Variants in PCDHGA1 observed in about 807,000 individuals in gnomAD.
PCDHGA1 encodes protocadherin gamma subfamily A, 1, also known as protocadherin gamma-A1.
A neutral mutation model predicts 58.0 loss-of-function variants in PCDHGA1; 32 were observed. That is an observed-to-expected ratio of 0.55 (90% CI 0.42 to 0.74). PCDHGA1 has a LOEUF of 0.74. PCDHGA1 is among the 30% of genes least tolerant of loss of function. PCDHGA1 has a pLI of 0.00. For missense variants in PCDHGA1, 1,205 were observed against 1,182.3 expected (o/e 1.02, Z -0.28); for synonymous variants, 498 against 501.1 (o/e 0.99, Z 0.08).
intron 1 of PCDHGA1, among the ~76,000 whole-genome samples, chr5:141,465,422 G>T (rs74711061): frequency 6.6e-6 from 1 of 152,142 alleles, no homozygotes; most frequent in Non-Finnish European, 1.5e-5. Context: ...AGCACTGAAA[G>T]GTGGGCACTT....
intron 1 of PCDHGA1, chr5:141,415,463 T>G: frequency 6.2e-7 from 1 of 1,614,228 alleles, no homozygotes; most frequent in South Asian, 1.1e-5. Flanking sequence ...GAGGTCTCTC[T>G]CACCGCGGAC....
At position 141,398,766 on chromosome 5, in the gene PCDHGA1, T is replaced by A. The variant is rs775055352; in HGVS notation, c.2421+65661T>A. On this transcript the variant is annotated intron_variant, in intron 1 of 3. Coordinates refer to ENST00000517417, the MANE Select transcript of PCDHGA1 (RefSeq NM_018912.3). ...AGAGTTACCATCGTTTAGTCCTGACTGCCTTGGACGGTGGACATCCACCCC... is the reference window on the plus strand; with the variant it reads ...AGAGTTACCATCGTTTAGTCCTGACAGCCTTGGACGGTGGACATCCACCCC... 2.1e-5 allele frequency: 34 copies of A among 1,613,844 alleles called. 1 individual carries two copies. In the South Asian group the frequency reaches 3.1e-4, roughly 15 times the overall value.
At chr5:141,355,142 C>T in intron 1 of PCDHGA1, 1 of 1,526,256 alleles carries the variant, frequency 6.6e-7, no homozygotes, top group Non-Finnish European at 8.8e-7. Flanking sequence ...GATCCTGGGG[C>T]TCCTCAGGCC....
intron 1 of PCDHGA1, chr5:141,442,535 A>C (rs2098331560): frequency 6.6e-6 from 1 of 152,240 alleles, no homozygotes; most frequent in Non-Finnish European, 1.5e-5. Flanking sequence ...CTCCAAGGTG[A>C]AAAATTCTTG....
At chr5:141,480,894 C>CA (rs1235468010) in intron 1 of PCDHGA1, among the ~76,000 whole-genome samples, 15 of 151,848 alleles carry the variant, frequency 9.9e-5, no homozygotes, top group African/African-American at 3.4e-4. Context: ...AAAATGCAAA[C>CA]ATTAGCTGGG....
chr5:141,386,226 C>T (rs1164415292), intron 1 of PCDHGA1, among the ~76,000 whole-genome samples: 1 of 152,142 alleles, frequency 6.6e-6, no homozygotes, highest in Non-Finnish European at 1.5e-5. Flanking sequence ...ATTAGGTCTA[C>T]TGAAAAATTC....
Position 141,477,952 on chromosome 5 carries a change from A to T in PCDHGA1, c.2422-16855A>T, listed in dbSNP as rs907708638. ...CCTGGCTCTCCTACAGTCTCTTGGG[A>T]TCCCCTAACCAGAGCCTTTTTGCCA... On this transcript the variant is annotated intron_variant, in intron 1 of 3. Coordinates refer to ENST00000517417, the MANE Select transcript of PCDHGA1 (RefSeq NM_018912.3). This position sits in a 1 kb window ranked among gnomAD's most constrained non-coding sequence, Gnocchi z 4.9. The T allele has an allele frequency of 1.9e-6, 3 of 1,613,920 alleles. No individual in the cohort carries two copies. The African/African-American group carries it at 4.0e-5, about 22-fold the overall frequency.
At chr5:141,385,096 G>C (rs746092295) in intron 1 of PCDHGA1, 2 of 1,614,072 alleles carry the variant, frequency 1.2e-6, no homozygotes, top group South Asian at 2.2e-5. Context: ...AGGTGGCTTG[G>C]CGAACGTGCC....
intron 1 of PCDHGA1, chr5:141,415,308 C>A: frequency 6.2e-7 from 1 of 1,614,236 alleles, no homozygotes; most frequent in Non-Finnish European, 8.5e-7. Context: ...TCCTGGCCTT[C>A]GTCATCGTGC....
chr5:141,351,059 G>C, intron 1 of PCDHGA1: 1 of 1,614,066 alleles, frequency 6.2e-7, no homozygotes, highest in Non-Finnish European at 8.5e-7. Flanking sequence ...CACAGACCAG[G>C]ATGAGGGCAT....
At chr5:141,371,368 G>A in intron 1 of PCDHGA1, 1 of 1,613,970 alleles carries the variant, frequency 6.2e-7, no homozygotes, top group South Asian at 1.1e-5. Flanking sequence ...AAGGATGGTG[G>A]ACATCACACT....
At chr5:141,422,272 A>G in intron 1 of PCDHGA1, 1 of 1,561,362 alleles carries the variant, frequency 6.4e-7, no homozygotes, top group Non-Finnish European at 8.6e-7. Context: ...TCCAGAAATA[A>G]CTATCACCTC....
intron 1 of PCDHGA1, chr5:141,441,925 T>C (rs926242217): frequency 2.8e-6 from 1 of 353,614 alleles, no homozygotes; most frequent in Non-Finnish European, 5.4e-6. Flanking sequence ...ACACAATGCG[T>C]GGCTGTCCTA....
intron 1 of PCDHGA1, among the ~76,000 whole-genome samples, chr5:141,368,835 T>C (rs1765886415): frequency 6.6e-6 from 1 of 152,190 alleles, no homozygotes; most frequent in African/African-American, 2.4e-5. Flanking sequence ...CTTGGCATTG[T>C]GTTGGAAGGC....
At chr5:141,471,926 G>T (rs2099266798) in intron 1 of PCDHGA1, among the ~76,000 whole-genome samples, 1 of 152,110 alleles carries the variant, frequency 6.6e-6, no homozygotes, top group African/African-American at 2.4e-5. Flanking sequence ...AATTTTGGGG[G>T]TGATGAGAGT....
chr5:141,478,635 A>T, intron 1 of PCDHGA1: 1 of 1,552,830 alleles, frequency 6.4e-7, no homozygotes, highest in Non-Finnish European at 8.7e-7. Context: ...TTTTTTAGTG[A>T]TGAAGATGTT....
Position 141,476,064 on chromosome 5 carries a change from C to T in PCDHGA1, c.2422-18743C>T, listed in dbSNP as rs1593605493. On this transcript the variant is annotated intron_variant, in intron 1 of 3. Transcript: ENST00000517417. The surrounding 1 kb of genome is among the most constrained non-coding windows in gnomAD (Gnocchi z 7.6). Reference sequence around the variant, plus strand: ...CGCTAACCCGCTGAAAGTTTCTCAGCGAAATCTCAGGGACGATCTGGACCC... The same window carrying T: ...CGCTAACCCGCTGAAAGTTTCTCAGTGAAATCTCAGGGACGATCTGGACCC... 2.0e-6 allele frequency: 3 copies of T among 1,510,080 alleles called. No homozygotes were observed. In the East Asian group the frequency reaches 6.8e-5, roughly 34 times the overall value. 93.5% of individuals were successfully genotyped at this position (1,510,080 alleles called of 1,614,324 possible). A position where few individuals can be genotyped will look rare whatever the true frequency, so the allele number is the denominator to read the frequency against.
rs753002448 is a variant in PCDHGA1 at position 141,355,220 on chromosome 5, G to T, written c.2421+22115G>T. 3.1e-6 allele frequency: 5 copies of T among 1,607,878 alleles called. No homozygotes were observed. In the African/African-American group the frequency reaches 4.0e-5, roughly 13 times the overall value. ...GTTGTAATGGCGGCGCCTCCTGCTC[G>T]CCCAGACCACACCCGGCTGCTCCAG... On this transcript the variant is annotated intron_variant, in intron 1 of 3. Transcript: ENST00000517417.
chr5:141,346,701 G>T (rs1372558580), intron 1 of PCDHGA1, among the ~76,000 whole-genome samples: 1 of 152,176 alleles, frequency 6.6e-6, no homozygotes, highest in Non-Finnish European at 1.5e-5. Context: ...CTTCCTAGAG[G>T]AATCTGCCAC....
Sources: allele counts gnomAD v4.1 joint callset (sites outside exome capture counted in the v4.1 genomes callset), GRCh38; gene constraint gnomAD v4.1.1; non-coding constraint Gnocchi (gnomAD v3.1); transcripts MANE v1.5; gene names NCBI Gene and HGNC (gene_info 2026-07-23, HGNC 2026-07-21).